Variants in ZNF366 observed in about 807,000 individuals in gnomAD.
The protein encoded by ZNF366 is zinc finger protein 366.
Under a neutral mutation model 47.2 loss-of-function variants are expected in ZNF366, and 20 were observed. The observed-to-expected ratio is 0.42, with a 90% CI of 0.30 to 0.62. The LOEUF (loss-of-function observed/expected upper bound fraction) is 0.62. Ranked by LOEUF, ZNF366 falls within the 20% of genes least tolerant of loss-of-function variation. The pLI is 0.16. For synonymous variants in ZNF366, 421 were observed against 395.1 expected (o/e 1.07, Z -0.78); for missense variants, 987 against 976.3 (o/e 1.01, Z -0.15).
At chr5:72,461,957 T>A (rs1199723882) in intron 1 of ZNF366, among the ~76,000 whole-genome samples, 1 of 152,228 alleles carries the variant, frequency 6.6e-6, no homozygotes, top group Non-Finnish European at 1.5e-5. Context: ...AGCTTTTCAA[T>A]CTGAGTTGTA....
In ZNF366 at chr5:72,444,254, G is replaced by T; in HGVS notation, c.1737C>A (p.Ala579=). ...GRGRIALAQT[A]GVLRSLEQEE... ...CCTGCTCCAGACTCCTCAGGACACCGGCTGTCTGTGCCAGGGCGATTCTCC... is the reference window on the plus strand; with the variant it reads ...CCTGCTCCAGACTCCTCAGGACACCTGCTGTCTGTGCCAGGGCGATTCTCC... Residue 579 remains alanine, a synonymous_variant, in exon 5 of 5, where the codon GCC becomes GCA. Transcript: ENST00000318442. The T allele has an allele frequency of 6.2e-7, 1 of 1,613,296 alleles. No individual in the cohort carries two copies. The highest frequency in any genetic ancestry group is 8.5e-7 in the Non-Finnish European group (1 of 1,179,910).
intron 1 of ZNF366, among the ~76,000 whole-genome samples, chr5:72,504,059 G>GCACGCACA (rs1744269162): frequency 6.6e-6 from 1 of 151,574 alleles, no homozygotes; most frequent in Non-Finnish European, 1.5e-5. Context: ...ACACACGCAC[G>GCACGCACA]CACACACGCA....
intron 1 of ZNF366, among the ~76,000 whole-genome samples, chr5:72,488,238 C>T (rs545868904): frequency 1.3e-5 from 2 of 151,598 alleles, no homozygotes; most frequent in Non-Finnish European, 2.9e-5. Flanking sequence ...ACTTACATAG[C>T]AGGGTGTTTC....
intron 2 of ZNF366, 86 bp from the exon 3 acceptor site, chr5:72,456,681 A>G (rs1443143858): frequency 2.3e-6 from 3 of 1,331,224 alleles, no homozygotes; most frequent in Non-Finnish European, 3.0e-6. Context: ...CCTCTCTGCC[A>G]CATAAATCCA....
At chr5:72,465,957 G>A (rs1427239012) in intron 1 of ZNF366, among the ~76,000 whole-genome samples, 1 of 152,186 alleles carries the variant, frequency 6.6e-6, no homozygotes, top group African/African-American at 2.4e-5. Flanking sequence ...GAATGTGTAT[G>A]AGAAAGTATG....
At chr5:72,472,492 G>T (rs1460446938) in intron 1 of ZNF366, 2 of 959,536 alleles carry the variant, frequency 2.1e-6, no homozygotes, top group African/African-American at 3.5e-5. Flanking sequence ...CCTACCAGTG[G>T]GTTCTGTAGA....
intron 4 of ZNF366, among the ~76,000 whole-genome samples, chr5:72,444,984 AT>A (rs1742930705): frequency 6.6e-6 from 1 of 152,152 alleles, no homozygotes. Flanking sequence ...TAATAAAGCC[AT>A]TTTCATCTTG....
intron 1 of ZNF366, among the ~76,000 whole-genome samples, chr5:72,462,547 C>CTTTCTTTCTTTCTTTCTTTCTTCCT (rs11275151): frequency 2.7e-4 from 21 of 78,930 alleles, no homozygotes; most frequent in Middle Eastern, 8.3e-3. Context: ...TTCTTTCTTT[C>CTTTCTTTCTTTCTTTCTTTCTTCCT]TTTTTTTTTT....
chr5:72,504,103 A>C (rs1262972567), intron 1 of ZNF366, among the ~76,000 whole-genome samples: 2 of 152,056 alleles, frequency 1.3e-5, no homozygotes, highest in East Asian at 1.9e-4. Context: ...ACACGCGTGC[A>C]TGCACACACA....
At position 72,443,986 on chromosome 5, in the gene ZNF366, C is replaced by T; in HGVS notation, c.2005G>A (p.Asp669Asn). 6.2e-7 allele frequency: 1 copy of T among 1,614,190 alleles called. No individual in the cohort carries two copies. The highest frequency in any genetic ancestry group is 8.5e-7 in the Non-Finnish European group (1 of 1,180,022). Residue 669 changes from aspartate to asparagine, a missense_variant, in exon 5 of 5, where the codon GAT (aspartate) becomes AAT (asparagine). Transcript: ENST00000318442. ...TTCTCCCATTCTCCCTTGGATGCAT[C>T]CTCCTTCTCCTCCTTGCAGGCTTCC... ...LEEACKEEKE[D>N]ASKGEWEKRS... is the part of the protein sequence containing the mutation.
chr5:72,463,592 C>T (rs991944801), intron 1 of ZNF366, among the ~76,000 whole-genome samples: 2 of 152,174 alleles, frequency 1.3e-5, no homozygotes, highest in African/African-American at 4.8e-5. Context: ...CCACTGCTGC[C>T]TCAGGGGCCA....
Position 72,461,430 on chromosome 5 carries a change from G to C in ZNF366, c.67C>G (p.Pro23Ala). ...GGCTGCAGGCAGTGGGGAAAGGAGG[G>C]GGTCTTCTTCACAGCCAAGTCGAAA... is the stretch of plus-strand genomic sequence containing the variant. ...VHFDLAVKKT[P>A]SFPHCLQPVA... The change falls in exon 2 of 5, where the codon CCC becomes GCC. Residue 23 changes from proline (P) to alanine (A), a missense_variant. Transcript: ENST00000318442. 6.2e-7 allele frequency: 1 copy of C among 1,608,180 alleles called. No homozygotes were observed. The highest frequency in any genetic ancestry group is 8.5e-7 in the Non-Finnish European group (1 of 1,175,514).
In ZNF366 at chr5:72,443,656, G is replaced by T; in HGVS notation, c.*100C>A. 1.6e-6 allele frequency: 2 copies of T among 1,256,730 alleles called. No homozygotes were observed. Among genetic ancestry groups the T allele is most frequent in the Non-Finnish European group, 2.2e-6 (2 of 914,072 alleles). The allele number at this position is 1,256,730 out of a possible 1,614,324, so 77.8% of individuals were successfully genotyped here. On this transcript the variant is annotated 3_prime_UTR_variant, in exon 5 of 5. Transcript: ENST00000318442. ...TTAGTCTAAGCCATTTGTAGAGATT[G>T]GTACTATTCGCCAGTCTCCAGAAAA... is the stretch of plus-strand genomic sequence containing the variant.
intron 1 of ZNF366, among the ~76,000 whole-genome samples, chr5:72,482,744 TTTTG>T (rs1224199902): frequency 2.0e-4 from 20 of 102,144 alleles, no homozygotes; most frequent in African/African-American, 8.6e-4. Flanking sequence ...TGCATTTCTA[TTTTG>T]TGTGTGTGTG....
intron 1 of ZNF366, among the ~76,000 whole-genome samples, chr5:72,480,646 C>T (rs1056784767): frequency 2.0e-5 from 3 of 151,906 alleles, no homozygotes; most frequent in Non-Finnish European, 2.9e-5. Flanking sequence ...ACTGGTGAGG[C>T]GAACCTAAGA....
chr5:72,447,495 G>T, intron 3 of ZNF366, 78 bp from the exon 4 acceptor site: 2 of 1,510,822 alleles, frequency 1.3e-6, no homozygotes, highest in Non-Finnish European at 1.8e-6. Flanking sequence ...CACAGATACC[G>T]TTTCTACTTT....
intron 1 of ZNF366, among the ~76,000 whole-genome samples, chr5:72,465,097 A>G (rs1411632740): frequency 1.3e-5 from 2 of 152,178 alleles, no homozygotes; most frequent in Non-Finnish European, 2.9e-5. Context: ...GGATCTATCC[A>G]GGGAAATTTT....
intron 1 of ZNF366, among the ~76,000 whole-genome samples, chr5:72,489,791 T>C (rs757376780): frequency 2.6e-5 from 4 of 152,216 alleles, no homozygotes; most frequent in Non-Finnish European, 4.4e-5. Context: ...CTCTGAAATT[T>C]ACAAGAAGAA....
At chr5:72,491,774 A>T (rs1412269634) in intron 1 of ZNF366, among the ~76,000 whole-genome samples, 2 of 152,206 alleles carry the variant, frequency 1.3e-5, no homozygotes, top group Non-Finnish European at 2.9e-5. Context: ...AGGGCTGGGG[A>T]TCTAAAAATA....
Sources: allele counts gnomAD v4.1 joint callset (sites outside exome capture counted in the v4.1 genomes callset), GRCh38; gene constraint gnomAD v4.1.1; transcripts MANE v1.5; gene names NCBI Gene and HGNC (gene_info 2026-07-23, HGNC 2026-07-21).